FAM178B: variants seen among roughly 807,000 people sequenced by gnomAD.
FAM178B encodes the protein protein FAM178B.
FAM178B carries 82 observed loss-of-function variants against 91.7 expected under a neutral mutation model. That is an observed-to-expected ratio of 0.89 (90% CI 0.75 to 1.07). The LOEUF (loss-of-function observed/expected upper bound fraction) is 1.07, where lower values mean the gene tolerates loss of function less well. Ranked by LOEUF, FAM178B falls within the 50% of genes least tolerant of loss-of-function variation. The pLI, the probability that FAM178B is intolerant of heterozygous loss-of-function variation, is 0.00. For synonymous variants in FAM178B, 368 were observed against 359.4 expected, an observed-to-expected ratio of 1.02 and a Z score of -0.27; for missense variants, 769 against 846.7, an observed-to-expected ratio of 0.91 and a Z score of 1.14.
chr2:96,952,652 G>T (rs1321527968), intron 6 of FAM178B, among the ~76,000 whole-genome samples: 1 of 152,084 alleles, frequency 6.6e-6, no homozygotes, highest in Non-Finnish European at 1.5e-5. Flanking sequence ...TTTTATAGGG[G>T]GTTGGCTGGA....
intron 1 of FAM178B, among the ~76,000 whole-genome samples, chr2:96,973,175 G>A (rs1042278773): frequency 2.1e-4 from 31 of 149,984 alleles, no homozygotes; most frequent in African/African-American, 7.6e-4. Flanking sequence ...GCCACTGCAT[G>A]CCAGCCTGGC....
chr2:96,909,347 ACC>A (rs1343165358), intron 12 of FAM178B, among the ~76,000 whole-genome samples: 2 of 151,982 alleles, frequency 1.3e-5, no homozygotes, highest in Non-Finnish European at 2.9e-5. Flanking sequence ...TTTTGCCAAA[ACC>A]TGCCCTTCTG....
chr2:96,973,876 G>A (rs970525243), intron 1 of FAM178B, among the ~76,000 whole-genome samples: 10 of 151,810 alleles, frequency 6.6e-5, no homozygotes, highest in African/African-American at 1.7e-4. Context: ...GGTGGCACAC[G>A]CCTGTAATCC....
At chr2:96,940,359 G>C (rs929410291) in intron 8 of FAM178B, among the ~76,000 whole-genome samples, 6 of 152,200 alleles carry the variant, frequency 3.9e-5, no homozygotes, top group Non-Finnish European at 8.8e-5. Flanking sequence ...CACTCCAGGG[G>C]CTCTGACTGG....
At chr2:96,904,740 C>T (rs139285582) in intron 12 of FAM178B, among the ~76,000 whole-genome samples, 244 of 152,026 alleles carry the variant, frequency 1.6e-3, no homozygotes, top group Middle Eastern at 6.8e-3. Flanking sequence ...ATGCCAGCTA[C>T]AGTACTCCAC....
intron 8 of FAM178B, among the ~76,000 whole-genome samples, chr2:96,934,195 TAAAGCCC>T (rs1439617757): frequency 6.6e-6 from 1 of 152,076 alleles, no homozygotes; most frequent in Admixed American, 6.5e-5. Context: ...GAAAGATACA[TAAAGCCC>T]AATGATGCTG....
At position 96,952,218 on chromosome 2, in the gene FAM178B, A is replaced by C. The variant is rs544508511; in HGVS notation, c.888-734T>G. On this transcript the variant is annotated intron_variant, in intron 6 of 16. Transcript: ENST00000490605. ...CCAGCGTCTCGCGATCTGGTTACACAGGGCGTTTCTGCTCTGCCTTATGTT... is the reference window on the plus strand; with the variant it reads ...CCAGCGTCTCGCGATCTGGTTACACCGGGCGTTTCTGCTCTGCCTTATGTT... 2.0e-5 allele frequency among the ~76,000 whole-genome samples: 3 copies of C among 152,322 alleles called. No homozygotes were observed. The South Asian group carries it at 6.2e-4, about 32-fold the overall frequency.
At chr2:96,961,220 C>A (rs1274851569) in intron 5 of FAM178B, among the ~76,000 whole-genome samples, 1 of 152,080 alleles carries the variant, frequency 6.6e-6, no homozygotes, top group South Asian at 2.1e-4. Context: ...AGGGAGGCAG[C>A]GAAGATGTTT....
At chr2:96,934,583 T>C (rs1489579869) in intron 8 of FAM178B, among the ~76,000 whole-genome samples, 1 of 152,136 alleles carries the variant, frequency 6.6e-6, no homozygotes, top group Non-Finnish European at 1.5e-5. Flanking sequence ...AACATGCACA[T>C]TTTGTTGCCC....
intron 5 of FAM178B, among the ~76,000 whole-genome samples, chr2:96,966,179 G>A (rs2082140700): frequency 6.6e-6 from 1 of 151,998 alleles, no homozygotes; most frequent in African/African-American, 2.4e-5. Flanking sequence ...CCACACGCCA[G>A]GTGCACTCCC....
intron 1 of FAM178B, among the ~76,000 whole-genome samples, chr2:96,981,687 GCCGAGA>G: frequency 7.0e-6 from 1 of 142,944 alleles, no homozygotes; most frequent in African/African-American, 2.7e-5. Context: ...CTTGCAGTGA[GCCGAGA>G]TGGCGCCACT....
chr2:96,938,519 C>A (rs534033076), intron 8 of FAM178B, among the ~76,000 whole-genome samples: 1 of 152,096 alleles, frequency 6.6e-6, no homozygotes, highest in African/African-American at 2.4e-5. Context: ...CTGGTACACC[C>A]AGCTCCACAG....
chr2:96,917,833 G>C (rs1275289033), intron 12 of FAM178B, among the ~76,000 whole-genome samples: 1 of 152,154 alleles, frequency 6.6e-6, no homozygotes, highest in Non-Finnish European at 1.5e-5. Context: ...TCCAGCCTGG[G>C]TGACAGAGTG....
intron 5 of FAM178B, among the ~76,000 whole-genome samples, chr2:96,966,541 T>A (rs949028242): frequency 3.9e-5 from 6 of 152,098 alleles, no homozygotes; most frequent in Non-Finnish European, 7.3e-5. Flanking sequence ...TCCTGCCACA[T>A]CCCGAAGCTA....
chr2:96,928,983 C>T (rs980380496), intron 9 of FAM178B, among the ~76,000 whole-genome samples: 5 of 150,888 alleles, frequency 3.3e-5, no homozygotes, highest in South Asian at 2.1e-4. Flanking sequence ...GACCCCCCCC[C>T]GCCACCTCTA....
At chr2:96,878,807 G>T (rs192156048) in intron 14 of FAM178B, among the ~76,000 whole-genome samples, 63 of 152,318 alleles carry the variant, frequency 4.1e-4, no homozygotes, top group Admixed American at 3.9e-3. Context: ...CCCCAGCCTT[G>T]TGCTGGGGCA....
Position 96,921,539 on chromosome 2 carries a change from T to C in FAM178B, c.1403A>G (p.Lys468Arg). ...GAGGAGAAGCTGCTGGAGGTCAACTTTGGGCAGCAGGCGGAGCCCCACGTC... is the reference window on the plus strand; with the variant it reads ...GAGGAGAAGCTGCTGGAGGTCAACTCTGGGCAGCAGGCGGAGCCCCACGTC... ...SLDVGLRLLP[K>R]VDLQQLLLLL... is the part of the protein sequence containing the mutation. Residue 468 changes from lysine to arginine, a missense_variant, in exon 11 of 17, where the codon AAA becomes AGA. Lys to Arg is a conservative substitution (Grantham distance 26). Transcript: ENST00000490605. The C allele has an allele frequency of 6.4e-7, 1 of 1,551,586 alleles. No homozygotes were observed. Among genetic ancestry groups the C allele is most frequent in the Non-Finnish European group, 8.7e-7 (1 of 1,146,950 alleles).
At chr2:96,924,835 C>A (rs1435146308) in intron 9 of FAM178B, among the ~76,000 whole-genome samples, 1 of 152,152 alleles carries the variant, frequency 6.6e-6, no homozygotes, top group Non-Finnish European at 1.5e-5. Flanking sequence ...AGGCAGCCCC[C>A]TGGCACAGGG....
rs143704329 is a variant in FAM178B at position 96,920,521 on chromosome 2, A to T, written c.1562+644T>A. Among the ~76,000 whole-genome samples, 279 of 152,158 alleles carry T rather than the reference A, an allele frequency of 1.8e-3. 1 individual carries two copies. Among genetic ancestry groups the T allele is most frequent in the African/African-American group, 6.5e-3 (270 of 41,492 alleles). ...AGGCTGAGGCAGGAGTATGGCGTGA[A>T]CCCAGAAGGTGGAGCTTGCAGCGAG... On this transcript the variant is annotated intron_variant, in intron 12 of 16. Coordinates refer to ENST00000490605, the MANE Select transcript of FAM178B (RefSeq NM_001122646.3).
Sources: allele counts gnomAD v4.1 joint callset (sites outside exome capture counted in the v4.1 genomes callset), GRCh38; gene constraint gnomAD v4.1.1; transcripts MANE v1.5; gene names NCBI Gene and HGNC (gene_info 2026-07-23, HGNC 2026-07-21).